Variants in PGM5 observed in about 807,000 individuals in gnomAD.
PGM5 encodes the protein phosphoglucomutase 5, also known as phosphoglucomutase-like protein 5.
A neutral mutation model predicts 59.2 loss-of-function variants in PGM5; 23 were observed. The observed-to-expected ratio is 0.39, with a 90% CI of 0.28 to 0.55. The LOEUF (loss-of-function observed/expected upper bound fraction) is 0.55. Ranked by LOEUF, PGM5 falls within the 20% of genes least tolerant of loss-of-function variation. The pLI is 0.66. For synonymous variants in PGM5, 214 were observed against 286.0 expected (o/e 0.75, Z 2.54); for missense variants, 574 against 748.3 (o/e 0.77, Z 2.72).
At chr9:68,434,544 C>T (rs1336783248) in intron 6 of PGM5, among the ~76,000 whole-genome samples, 5 of 151,962 alleles carry the variant, frequency 3.3e-5, no homozygotes, top group African/African-American at 9.7e-5. Context: ...CGGTGGCTCA[C>T]GCTTCTAATC....
Position 68,437,431 on chromosome 9 carries a change from G to T in PGM5, c.1044-27662G>T, listed in dbSNP as rs1823457517. On this transcript the variant is annotated intron_variant, in intron 6 of 10. Transcript: ENST00000396396. The surrounding 1 kb of genome is among the most constrained non-coding windows in gnomAD (Gnocchi z 4.1). ...CCAATGCTTAGGCAACAGTCTACAA[G>T]TTGGTGAATATCTCTTTCAGATTGG... 6.6e-6 allele frequency among the ~76,000 whole-genome samples: 1 copy of T among 152,192 alleles called. No individual in the cohort carries two copies. The highest frequency in any genetic ancestry group is 2.1e-4 in the South Asian group (1 of 4,828).
At chr9:68,416,750 C>T (rs1554682008) in intron 6 of PGM5, among the ~76,000 whole-genome samples, 2 of 152,176 alleles carry the variant, frequency 1.3e-5, no homozygotes, top group African/African-American at 2.4e-5. Context: ...CAGAATATCT[C>T]AGAAATGTGC....
At chr9:68,499,974 T>G (rs2132105638) in intron 10 of PGM5, among the ~76,000 whole-genome samples, 2 of 152,262 alleles carry the variant, frequency 1.3e-5, no homozygotes, top group South Asian at 4.2e-4. Flanking sequence ...ACTCCCACAT[T>G]CATTAAAGCT....
intron 6 of PGM5, chr9:68,402,381 C>T (rs1355751449): frequency 6.6e-6 from 1 of 152,170 alleles, no homozygotes. Flanking sequence ...TCTCTTGGAA[C>T]TTCTTTTCTG....
chr9:68,479,051 T>C (rs574652591), intron 7 of PGM5, among the ~76,000 whole-genome samples: 3 of 152,294 alleles, frequency 2.0e-5, no homozygotes, highest in Admixed American at 1.3e-4. Context: ...GATTCAAACT[T>C]TATGAGTAAA....
At chr9:68,519,708 G>A (rs1226881830) in intron 10 of PGM5, among the ~76,000 whole-genome samples, 6 of 151,288 alleles carry the variant, frequency 4.0e-5, no homozygotes, top group Admixed American at 6.6e-5. Context: ...AGCACATAAG[G>A]TGGTGGATTT....
At chr9:68,442,239 G>A (rs2132063813) in intron 6 of PGM5, among the ~76,000 whole-genome samples, 1 of 152,194 alleles carries the variant, frequency 6.6e-6, no homozygotes, top group East Asian at 1.9e-4. Flanking sequence ...ACTAGAAGAG[G>A]CAGAACAATT....
chr9:68,462,489 G>A (rs991707320), intron 6 of PGM5, among the ~76,000 whole-genome samples: 1 of 152,102 alleles, frequency 6.6e-6, no homozygotes, highest in African/African-American at 2.4e-5. Flanking sequence ...ATTTTGGCTT[G>A]GATAGCTGCA....
rs1477019495 is a variant in PGM5 at position 68,437,638 on chromosome 9, T to G, written c.1044-27455T>G. On this transcript the variant is annotated intron_variant, in intron 6 of 10. Coordinates refer to ENST00000396396, the MANE Select transcript of PGM5 (RefSeq NM_021965.4). This position sits in a 1 kb window ranked among gnomAD's most constrained non-coding sequence, Gnocchi z 4.1. Reference sequence around the variant, plus strand: ...TACCCACACATGCATATACTGTATATACACACCCACAATACTTTGTAGAAA... The same window carrying G: ...TACCCACACATGCATATACTGTATAGACACACCCACAATACTTTGTAGAAA... Among the ~76,000 whole-genome samples, 3 of 152,034 alleles carry G rather than the reference T, an allele frequency of 2.0e-5. No individual in the cohort carries two copies. Among genetic ancestry groups the G allele is most frequent in the African/African-American group, 7.3e-5 (3 of 41,378 alleles).
rs782483704 is a variant in PGM5 at position 68,444,697 on chromosome 9, A to G, written c.1044-20396A>G. ...ATACACTGGGGAGGGGAAAAGTTCT[A>G]CAAAAGTAAACCAGTGGTCTCTTGT... On this transcript the variant is annotated intron_variant, in intron 6 of 10. Transcript: ENST00000396396. Among the ~76,000 whole-genome samples the G allele has an allele frequency of 5.3e-5, 8 of 152,306 alleles. No homozygotes were observed. In the South Asian group the frequency reaches 1.0e-3, roughly 20 times the overall value.
At chr9:68,454,823 G>A (rs894769542) in intron 6 of PGM5, among the ~76,000 whole-genome samples, 1 of 152,180 alleles carries the variant, frequency 6.6e-6, no homozygotes, top group African/African-American at 2.4e-5. Context: ...AGCTTTTGCT[G>A]TAAAACTCTC....
intron 9 of PGM5, among the ~76,000 whole-genome samples, chr9:68,492,183 T>C (rs1554687913): frequency 1.3e-4 from 20 of 152,140 alleles, no homozygotes. Flanking sequence ...GCTATGCCGT[T>C]GTCTGGGTAA....
At chr9:68,458,879 C>T (rs536798119) in intron 6 of PGM5, among the ~76,000 whole-genome samples, 65 of 152,220 alleles carry the variant, frequency 4.3e-4, no homozygotes, top group African/African-American at 1.5e-3. Flanking sequence ...CTGAACTCTG[C>T]CTCATTCATA....
At position 68,512,354 on chromosome 9, in the gene PGM5, T is replaced by G. The variant is rs369753190; in HGVS notation, c.1614+12993T>G. 5.4e-4 allele frequency among the ~76,000 whole-genome samples: 82 copies of G among 152,308 alleles called. 1 individual carries two copies. In the South Asian group the frequency reaches 0.012, roughly 23 times the overall value. On this transcript the variant is annotated intron_variant, in intron 10 of 10. Coordinates refer to ENST00000396396, the MANE Select transcript of PGM5 (RefSeq NM_021965.4). ...CTGAATAGGCCCAGAGAGTAAATAG[T>G]TTAGGCTTTGCTAGCTGTATTAGTT...
intron 6 of PGM5, among the ~76,000 whole-genome samples, chr9:68,452,679 G>A (rs2132071186): frequency 6.6e-6 from 1 of 152,308 alleles, no homozygotes; most frequent in East Asian, 1.9e-4. Flanking sequence ...ATGTCACTCA[G>A]ATACCAAACA....
At chr9:68,483,006 A>G (rs1490059440) in intron 8 of PGM5, among the ~76,000 whole-genome samples, 1 of 152,122 alleles carries the variant, frequency 6.6e-6, no homozygotes, top group African/African-American at 2.4e-5. Context: ...TATTTCTTCC[A>G]AGTTTCCAAG....
At chr9:68,493,452 A>G (rs1554688007) in intron 9 of PGM5, among the ~76,000 whole-genome samples, 1 of 152,220 alleles carries the variant, frequency 6.6e-6, no homozygotes, top group South Asian at 2.1e-4. Flanking sequence ...TCAACCTCAG[A>G]TTGTAAGCCT....
chr9:68,411,642 C>G (rs528146315), intron 6 of PGM5, among the ~76,000 whole-genome samples: 164 of 152,174 alleles, frequency 1.1e-3, no homozygotes, highest in African/African-American at 3.7e-3. Context: ...AAAACCTTCT[C>G]TGGGTCAGAT....
At chr9:68,370,160 A>G (rs1821646147) in intron 1 of PGM5, among the ~76,000 whole-genome samples, 2 of 152,194 alleles carry the variant, frequency 1.3e-5, no homozygotes, top group South Asian at 4.1e-4. Flanking sequence ...TCTGTGTAGC[A>G]TCAGGGAAGT....
Sources: allele counts gnomAD v4.1 joint callset (sites outside exome capture counted in the v4.1 genomes callset), GRCh38; gene constraint gnomAD v4.1.1; non-coding constraint Gnocchi (gnomAD v3.1); transcripts MANE v1.5; gene names NCBI Gene and HGNC (gene_info 2026-07-23, HGNC 2026-07-21).